The following ARFGEF2 variants were observed in gnomAD, a reference collection of about 807,000 sequenced individuals.
The protein encoded by ARFGEF2 is brefeldin A-inhibited guanine nucleotide-exchange protein 2.
Under a neutral mutation model 219.9 loss-of-function variants are expected in ARFGEF2, and 74 were observed. The observed-to-expected ratio is 0.34, with a 90% CI of 0.28 to 0.41. The LOEUF (loss-of-function observed/expected upper bound fraction) is 0.41, where lower values mean the gene tolerates loss of function less well. Among genes scored for constraint, ARFGEF2 ranks in the 10% least tolerant of loss-of-function variants. The probability of loss-of-function intolerance (pLI) is 1.00; values close to 1 mark genes in which losing one functional copy is unlikely to be tolerated. For missense variants in ARFGEF2, 1,743 were observed against 2,218.3 expected, an observed-to-expected ratio of 0.79 and a Z score of 4.30; for synonymous variants, 733 against 799.2, an observed-to-expected ratio of 0.92 and a Z score of 1.40.
At chr20:48,960,026 C>T (rs1288249773) in intron 6 of ARFGEF2, among the ~76,000 whole-genome samples, 4 of 152,184 alleles carry the variant, frequency 2.6e-5, no homozygotes, top group Non-Finnish European at 5.9e-5. Flanking sequence ...AGTAAATACT[C>T]GCAGTCATGC....
chr20:49,010,281 A>G lies in ARFGEF2; in HGVS notation c.3634A>G (p.Asn1212Asp). 6.2e-7 allele frequency: 1 copy of G among 1,614,214 alleles called. No individual in the cohort carries two copies. The highest frequency in any genetic ancestry group is 8.5e-7 in the Non-Finnish European group (1 of 1,180,044). The change falls in exon 27 of 39, where the codon AAC (asparagine) becomes GAC (aspartate). Residue 1212 changes from asparagine to aspartate, a missense_variant. Coordinates refer to ENST00000371917, the MANE Select transcript of ARFGEF2 (RefSeq NM_006420.3). ...GATCCGCTGCATTGCCCAGATGGTG[A>G]ACTCCCAGGCGGCCAACATCCGCTC... Reference protein sequence around the residue: ...MAIRCIAQMVNSQAANIRSGW... With the variant: ...MAIRCIAQMVDSQAANIRSGW...
At chr20:49,017,687 A>G in intron 33 of ARFGEF2, 137 bp downstream of exon 33, 1 of 835,334 alleles carries the variant, frequency 1.2e-6, no homozygotes. Context: ...TATATTCATA[A>G]TATATTTTTT....
intron 25 of ARFGEF2, among the ~76,000 whole-genome samples, chr20:49,000,536 C>T (rs1168338005): frequency 6.6e-6 from 1 of 152,200 alleles, no homozygotes; most frequent in Non-Finnish European, 1.5e-5. Context: ...AACTCAGCAC[C>T]ATCTTACCCA....
intron 14 of ARFGEF2, 46 bp downstream of exon 14, chr20:48,976,245 A>G (rs2091260559): frequency 1.2e-6 from 2 of 1,606,466 alleles, no homozygotes; most frequent in East Asian, 4.5e-5. Context: ...GCAAAGCCAT[A>G]TTTTCTCTGG....
At chr20:48,943,887 A>G (rs191234145) in intron 3 of ARFGEF2, among the ~76,000 whole-genome samples, 3 of 152,310 alleles carry the variant, frequency 2.0e-5, no homozygotes, top group Non-Finnish European at 4.4e-5. Context: ...TGCTGTGTAG[A>G]AGAGGTGTCT....
At chr20:49,019,196 A>C (rs1390403101) in intron 34 of ARFGEF2, among the ~76,000 whole-genome samples, 198 bp downstream of exon 34, 1 of 152,232 alleles carries the variant, frequency 6.6e-6, no homozygotes, top group African/African-American at 2.4e-5. Context: ...AAGTACATGC[A>C]CATATACATT....
chr20:48,966,879 C>T (rs531426948), intron 8 of ARFGEF2, among the ~76,000 whole-genome samples: 9 of 152,288 alleles, frequency 5.9e-5, no homozygotes, highest in African/African-American at 2.2e-4. Context: ...GACACAGTCT[C>T]ACTCTCACCT....
chr20:48,982,934 C>T (rs1051690921), intron 14 of ARFGEF2, among the ~76,000 whole-genome samples: 9 of 152,178 alleles, frequency 5.9e-5, no homozygotes, highest in African/African-American at 2.2e-4. Flanking sequence ...GGAAAATCCT[C>T]CGACCCCTTA....
chr20:49,009,731 G>GTT (rs953776377), intron 26 of ARFGEF2, among the ~76,000 whole-genome samples: 3 of 152,104 alleles, frequency 2.0e-5, no homozygotes, highest in Non-Finnish European at 4.4e-5. Flanking sequence ...ACATATATGT[G>GTT]TTTATCACAT....
At chr20:48,993,450 T>C (rs1329293382) in intron 21 of ARFGEF2, among the ~76,000 whole-genome samples, 1 of 152,230 alleles carries the variant, frequency 6.6e-6, no homozygotes, top group Non-Finnish European at 1.5e-5. Context: ...ATTAAGTCTA[T>C]TTCTCAGTCA....
intron 6 of ARFGEF2, among the ~76,000 whole-genome samples, chr20:48,962,657 C>T (rs937264443): frequency 6.6e-6 from 1 of 152,094 alleles, no homozygotes; most frequent in Non-Finnish European, 1.5e-5. Context: ...TTCAAGTTCC[C>T]TTTGCCTTCT....
chr20:48,933,552 G>A (rs1677700959), intron 1 of ARFGEF2, among the ~76,000 whole-genome samples: 1 of 151,986 alleles, frequency 6.6e-6, no homozygotes, highest in East Asian at 1.9e-4. Flanking sequence ...TATTATTAGG[G>A]TTCCACTCAT....
chr20:48,986,183 T>C (rs1362479475), intron 16 of ARFGEF2, among the ~76,000 whole-genome samples: 1 of 152,198 alleles, frequency 6.6e-6, no homozygotes, highest in African/African-American at 2.4e-5. Flanking sequence ...GGGTTTTACA[T>C]GCATTTAATT....
chr20:48,985,334 C>T, intron 15 of ARFGEF2, 74 bp from the exon 16 acceptor site: 2 of 1,521,404 alleles, frequency 1.3e-6, no homozygotes, highest in East Asian at 2.3e-5. Flanking sequence ...TCTGACTCCA[C>T]CCTTTGGCTG....
At chr20:49,002,633 T>C (rs2091431908) in intron 25 of ARFGEF2, among the ~76,000 whole-genome samples, 1 of 151,588 alleles carries the variant, frequency 6.6e-6, no homozygotes, top group Non-Finnish European at 1.5e-5. Context: ...ATTTTTGAGA[T>C]AGCATTTTGC....
Position 48,970,631 on chromosome 20 carries a change from TA to T in ARFGEF2, c.1191-485del, listed in dbSNP as rs749198461. On this transcript the variant is annotated intron_variant, in intron 9 of 38. Transcript: ENST00000371917. The stretch of plus-strand genomic sequence containing the variant: ...CGTCTCAAAAAAATAAATAAATAAA[TA>T]AAATAAAATAAAAATAAGTGTTAAG... 1.3e-4 allele frequency among the ~76,000 whole-genome samples: 19 copies of T among 151,792 alleles called. 1 individual carries two copies. In the South Asian group the frequency reaches 2.9e-3, roughly 24 times the overall value.
chr20:48,999,706 C>T (rs1047006385), intron 25 of ARFGEF2, among the ~76,000 whole-genome samples: 2 of 147,744 alleles, frequency 1.4e-5, no homozygotes, highest in Non-Finnish European at 3.0e-5. Flanking sequence ...GAGATCGTGC[C>T]ACTGCCCTCC....
In ARFGEF2 at chr20:49,033,143, A is replaced by G. The variant is rs1416230759; in HGVS notation, c.5302A>G (p.Ile1768Val). ...FFLRIGVVYK[I>V]WIPEEPSQVP... is the part of the protein sequence containing the mutation. Reference sequence around the variant, plus strand: ...CCTACGGATAGGTGTTGTGTATAAGATATGGATACCAGAAGAGCCATCACA... The same window carrying G: ...CCTACGGATAGGTGTTGTGTATAAGGTATGGATACCAGAAGAGCCATCACA... The change falls in exon 39 of 39, where the codon ATA becomes GTA. Residue 1768 changes from isoleucine (I) to valine (V), a missense_variant. Ile to Val is a conservative substitution (Grantham distance 29, BLOSUM62 3). Coordinates refer to ENST00000371917, the MANE Select transcript of ARFGEF2 (RefSeq NM_006420.3). 2.5e-6 allele frequency: 4 copies of G among 1,614,222 alleles called. No homozygotes were observed. In the South Asian group the frequency reaches 3.3e-5, roughly 13 times the overall value.
At chr20:48,928,120 A>G (rs2090889392) in intron 1 of ARFGEF2, among the ~76,000 whole-genome samples, 1 of 152,068 alleles carries the variant, frequency 6.6e-6, no homozygotes, top group Non-Finnish European at 1.5e-5. Context: ...GGACTAGTGC[A>G]GTAAGTAACT....
Sources: gnomAD v4.1 joint callset for allele counts (sites outside exome capture counted in the v4.1 genomes callset) on GRCh38, gnomAD v4.1.1 for gene constraint, MANE v1.5 for transcripts, NCBI Gene and HGNC (gene_info 2026-07-23, HGNC 2026-07-21) for gene names.